The following KIAA0825 variants were observed in gnomAD, a reference collection of about 807,000 sequenced individuals.
KIAA0825 encodes KIAA0825, also known as uncharacterized protein KIAA0825.
A neutral mutation model predicts 147.6 loss-of-function variants in KIAA0825; 119 were observed. The ratio of observed to expected loss-of-function variants is 0.81; its 90% CI spans 0.69 to 0.94. The LOEUF is 0.94. Among genes scored for constraint, KIAA0825 ranks in the 40% least tolerant of loss-of-function variants. KIAA0825 has a pLI of 0.00. For missense variants in KIAA0825, 1,381 were observed against 1,472.7 expected (o/e 0.94, Z 1.02); for synonymous variants, 470 against 518.1 (o/e 0.91, Z 1.26).
At chr5:94,361,024 A>G (rs904068797) in intron 20 of KIAA0825, among the ~76,000 whole-genome samples, 7 of 152,196 alleles carry the variant, frequency 4.6e-5, no homozygotes, top group African/African-American at 1.7e-4. Context: ...AGCAGAGACT[A>G]GGGTGGAAAT....
At chr5:94,268,036 T>G (rs1212897744) in intron 20 of KIAA0825, among the ~76,000 whole-genome samples, 3 of 152,024 alleles carry the variant, frequency 2.0e-5, no homozygotes, top group Admixed American at 2.0e-4. Context: ...TGTGATTTAG[T>G]CACCACATTT....
chr5:94,595,077 C>T (rs1261783651), intron 1 of KIAA0825, among the ~76,000 whole-genome samples: 1 of 152,058 alleles, frequency 6.6e-6, no homozygotes, highest in Non-Finnish European at 1.5e-5. Context: ...AAGGTGCGAG[C>T]TGTTGGCAGA....
At chr5:94,304,414 G>C (rs952497352) in intron 20 of KIAA0825, among the ~76,000 whole-genome samples, 10 of 152,170 alleles carry the variant, frequency 6.6e-5, no homozygotes, top group South Asian at 2.1e-4. Context: ...GGCAGGTGAG[G>C]GGGGGTGACC....
chr5:94,342,396 G>A (rs1782515360), intron 20 of KIAA0825, among the ~76,000 whole-genome samples: 1 of 152,124 alleles, frequency 6.6e-6, no homozygotes, highest in East Asian at 1.9e-4. Flanking sequence ...TTTTTAAACA[G>A]TTGTTGTAAA....
At chr5:94,188,934 A>C (rs1770409789) in intron 20 of KIAA0825, among the ~76,000 whole-genome samples, 1 of 152,166 alleles carries the variant, frequency 6.6e-6, no homozygotes, top group South Asian at 2.1e-4. Context: ...GTCAACACTT[A>C]TTATTGGCAG....
chr5:94,196,060 A>G (rs1771103283), intron 20 of KIAA0825, among the ~76,000 whole-genome samples: 1 of 152,178 alleles, frequency 6.6e-6, no homozygotes, highest in Non-Finnish European at 1.5e-5. Flanking sequence ...TCAGCTAAGT[A>G]GCCCTTAGCT....
intron 2 of KIAA0825, among the ~76,000 whole-genome samples, chr5:94,574,917 T>C (rs1780723681): frequency 6.6e-6 from 1 of 152,138 alleles, no homozygotes; most frequent in Non-Finnish European, 1.5e-5. Flanking sequence ...CATTTCTATG[T>C]ACTGGGATCC....
At chr5:94,547,386 C>T (rs1001522477) in intron 2 of KIAA0825, among the ~76,000 whole-genome samples, 6 of 151,900 alleles carry the variant, frequency 3.9e-5, no homozygotes, top group African/African-American at 1.5e-4. Context: ...TAGATTTAAC[C>T]CAAAGAAGAC....
chr5:94,431,269 C>A (rs888572838), intron 14 of KIAA0825, among the ~76,000 whole-genome samples: 2 of 152,108 alleles, frequency 1.3e-5, no homozygotes, highest in Non-Finnish European at 2.9e-5. Flanking sequence ...AATATTAGTA[C>A]CCCATTTAGA....
At chr5:94,225,137 C>T (rs1774047436) in intron 20 of KIAA0825, among the ~76,000 whole-genome samples, 1 of 152,090 alleles carries the variant, frequency 6.6e-6, no homozygotes, top group Non-Finnish European at 1.5e-5. Context: ...GTGTGCAAGA[C>T]CTTAAGTTAT....
rs545757861 is a variant in KIAA0825, at chr5:94,185,293, A to G, written c.3711-31169T>C. ...ACACACTTTGAATTATATTTCATAT[A>G]CTTCTAGGGCTGAGGACATACTGTA... On this transcript the variant is annotated intron_variant, in intron 20 of 20. Transcript: ENST00000682413. 5.3e-5 allele frequency among the ~76,000 whole-genome samples: 8 copies of G among 152,312 alleles called. No homozygotes were observed. The South Asian group carries it at 1.7e-3, about 32-fold the overall frequency.
intron 2 of KIAA0825, among the ~76,000 whole-genome samples, chr5:94,548,201 T>A (rs2151421550): frequency 6.6e-6 from 1 of 152,238 alleles, no homozygotes; most frequent in African/African-American, 2.4e-5. Context: ...TGAATAATAA[T>A]TAAAACAACT....
intron 1 of KIAA0825, among the ~76,000 whole-genome samples, chr5:94,597,753 C>T (rs1785569324): frequency 6.6e-6 from 1 of 152,044 alleles, no homozygotes. Context: ...TACTATATAC[C>T]TAGGCTATAA....
At chr5:94,182,939 A>G (rs972192805) in intron 20 of KIAA0825, among the ~76,000 whole-genome samples, 1 of 152,190 alleles carries the variant, frequency 6.6e-6, no homozygotes, top group Non-Finnish European at 1.5e-5. Context: ...ACAGGTTCTT[A>G]GTAATTATGG....
intron 2 of KIAA0825, chr5:94,569,857 A>G (rs1360394027): frequency 1.2e-5 from 2 of 170,598 alleles, no homozygotes; most frequent in Admixed American, 6.3e-5. Flanking sequence ...ACTATGGCTC[A>G]TTCCTCTACC....
At chr5:94,310,647 C>T (rs1036211487) in intron 20 of KIAA0825, among the ~76,000 whole-genome samples, 1 of 150,884 alleles carries the variant, frequency 6.6e-6, no homozygotes. Context: ...ATTTTATCTA[C>T]AACAAGTCAT....
At position 94,520,278 on chromosome 5, in the gene KIAA0825, T is replaced by C. The variant is rs1021283825; in HGVS notation, c.940A>G (p.Ser314Gly). 6 of 1,612,778 alleles carry C rather than the reference T, an allele frequency of 3.7e-6. No individual in the cohort carries two copies. In the East Asian group the frequency reaches 1.3e-4, roughly 36 times the overall value. Reference sequence around the variant, plus strand: ...GCATGCACTGCTCCTCTATGCTTGCTGGAGCTCTTGCTTGTTTTAACCACA... The same window carrying C: ...GCATGCACTGCTCCTCTATGCTTGCCGGAGCTCTTGCTTGTTTTAACCACA... Reference protein sequence around the residue: ...VRVVKTSKSSSKHRGAVHALV... With the variant: ...VRVVKTSKSSGKHRGAVHALV... Residue 314 changes from serine (S) to glycine (G), a missense_variant, in exon 5 of 21, where the codon AGC (serine) becomes GGC (glycine). Physicochemically the swap from Ser to Gly is moderately conservative, Grantham distance 56. Coordinates refer to ENST00000682413, the MANE Select transcript of KIAA0825 (RefSeq NM_001145678.3).
chr5:94,517,540 C>G (rs1013857778), intron 5 of KIAA0825, among the ~76,000 whole-genome samples: 3 of 151,962 alleles, frequency 2.0e-5, no homozygotes, highest in Admixed American at 2.0e-4. Context: ...TCCAAACTGC[C>G]TTAGCTCATT....
At chr5:94,615,096 T>C (rs1401261182) in intron 1 of KIAA0825, among the ~76,000 whole-genome samples, 1 of 152,190 alleles carries the variant, frequency 6.6e-6, no homozygotes, top group Non-Finnish European at 1.5e-5. Context: ...GCTGTGATTT[T>C]TTTAACTCTA....
Sources: allele counts gnomAD v4.1 joint callset (sites outside exome capture counted in the v4.1 genomes callset), GRCh38; gene constraint gnomAD v4.1.1; transcripts MANE v1.5; gene names NCBI Gene and HGNC (gene_info 2026-07-23, HGNC 2026-07-21).